PPARGC1A: variants seen among roughly 807,000 people sequenced by gnomAD.
PPARGC1A encodes the protein peroxisome proliferator-activated receptor gamma coactivator 1-alpha.
PPARGC1A carries 25 observed loss-of-function variants against 88.7 expected under a neutral mutation model. The ratio of observed to expected loss-of-function variants is 0.28; its 90% CI spans 0.21 to 0.39. The LOEUF is 0.39. Ranked by LOEUF, PPARGC1A falls within the 10% of genes least tolerant of loss-of-function variation. The pLI is 1.00. For missense variants in PPARGC1A, 880 were observed against 968.7 expected, an observed-to-expected ratio of 0.91 and a Z score of 1.22; for synonymous variants, 363 against 355.6, an observed-to-expected ratio of 1.02 and a Z score of -0.24.
intron 10 of PPARGC1A, among the ~76,000 whole-genome samples, chr4:23,808,311 G>T (rs1370845550): frequency 6.6e-6 from 1 of 150,550 alleles, no homozygotes. Flanking sequence ...TTTGGAAGAA[G>T]TTTATAATTA....
At chr4:23,890,618 T>TG (rs1717697995), upstream of PPARGC1A, among the ~76,000 whole-genome samples, 1 of 149,032 alleles carries the variant, frequency 6.7e-6, no homozygotes, top group Admixed American at 6.7e-5. Flanking sequence ...TTTTTTTTTT[T>TG]TTTTTTTTTG....
At chr4:24,428,221 T>C in the PPARGC1A span, among the ~76,000 whole-genome samples, 25 of 152,262 alleles carry the variant, frequency 1.6e-4, no homozygotes, top group African/African-American at 6.0e-4. Flanking sequence ...GGCGTCTTCC[T>C]GATATTCGCA....
chr4:23,919,737 A>G, the PPARGC1A span, among the ~76,000 whole-genome samples: 3 of 152,006 alleles, frequency 2.0e-5, no homozygotes, highest in Admixed American at 1.3e-4. Context: ...ATTGGTCAGG[A>G]GCCCTAGATA....
chr4:24,021,064 G>C, the PPARGC1A span, among the ~76,000 whole-genome samples: 17 of 152,162 alleles, frequency 1.1e-4, no homozygotes, highest in Admixed American at 2.6e-4. Flanking sequence ...AAAGCCCTTC[G>C]TGACCTCTGA....
chr4:24,005,514 T>A, the PPARGC1A span, among the ~76,000 whole-genome samples: 4 of 152,114 alleles, frequency 2.6e-5, no homozygotes, highest in South Asian at 8.3e-4. Context: ...TCCCTACAGA[T>A]CCTGTCAGAT....
chr4:24,426,352 G>A, the PPARGC1A span, among the ~76,000 whole-genome samples: 1 of 152,080 alleles, frequency 6.6e-6, no homozygotes, highest in South Asian at 2.1e-4. Context: ...AGTCCCAAGT[G>A]CCATTTAAAA....
the PPARGC1A span, among the ~76,000 whole-genome samples, chr4:23,971,470 T>C: frequency 2.0e-5 from 3 of 152,142 alleles, no homozygotes; most frequent in Non-Finnish European, 4.4e-5. Context: ...ACTCACATGA[T>C]CACAGAGTCC....
the PPARGC1A span, among the ~76,000 whole-genome samples, chr4:24,208,682 A>AAATATATATAT: frequency 7.4e-6 from 1 of 135,000 alleles, no homozygotes; most frequent in African/African-American, 2.7e-5. Context: ...TCAGAAAAAA[A>AAATATATATAT]ATATATATAT....
At position 23,813,997 on chromosome 4, in the gene PPARGC1A, T is replaced by G. The variant is rs200661963; in HGVS notation, c.1486A>C (p.Lys496Gln). The change falls in exon 8 of 13, where the codon AAA becomes CAA. Residue 496 changes from lysine (K) to glutamine (Q), a missense_variant. Transcript: ENST00000264867. ...CCTGAATTTATAAACATAGGTAGTT[T>G]GGAGAATTGTTCATTACTGAAATCA... ...DSDFSNEQFSKLPMFINSGLA... is the reference protein window; with the variant it reads ...DSDFSNEQFSQLPMFINSGLA... 129 of 1,614,000 alleles carry G rather than the reference T, an allele frequency of 8.0e-5. No homozygotes were observed. The highest frequency in any genetic ancestry group is 1.1e-4 in the Non-Finnish European group (126 of 1,179,978).
At chr4:23,913,293 GAGAGAGAGAGAGA>G in the PPARGC1A span, among the ~76,000 whole-genome samples, 1 of 142,628 alleles carries the variant, frequency 7.0e-6, no homozygotes, top group African/African-American at 2.7e-5. Flanking sequence ...GAGAGAGAGA[GAGAGAGAGAGAGA>G]GAAAGAGAAA....
At chr4:23,817,730 G>A (rs1250969264) in intron 7 of PPARGC1A, among the ~76,000 whole-genome samples, 1 of 152,066 alleles carries the variant, frequency 6.6e-6, no homozygotes, top group African/African-American at 2.4e-5. Flanking sequence ...ACCCTTCATT[G>A]TTTACTGAAA....
At chr4:24,269,868 G>A in the PPARGC1A span, among the ~76,000 whole-genome samples, 330 of 152,218 alleles carry the variant, frequency 2.2e-3, no homozygotes, top group African/African-American at 7.5e-3. Context: ...AAACTTCTGG[G>A]TCTCAGTTTT....
At chr4:23,801,012 T>C (rs986127368) in intron 12 of PPARGC1A, among the ~76,000 whole-genome samples, 8 of 151,674 alleles carry the variant, frequency 5.3e-5, no homozygotes, top group African/African-American at 1.7e-4. Flanking sequence ...ATTTAGTATA[T>C]GAAATTTAAT....
the PPARGC1A span, among the ~76,000 whole-genome samples, chr4:24,045,701 G>T: frequency 6.6e-6 from 1 of 152,236 alleles, no homozygotes; most frequent in East Asian, 1.9e-4. Context: ...AATCCAGTAT[G>T]ACCTTACTCT....
chr4:24,373,921 G>A, the PPARGC1A span, among the ~76,000 whole-genome samples: 1 of 152,246 alleles, frequency 6.6e-6, no homozygotes, highest in East Asian at 1.9e-4. Context: ...GAGGAACAAC[G>A]ATGCAAATTC....
the PPARGC1A span, among the ~76,000 whole-genome samples, chr4:24,407,923 C>A: frequency 6.6e-6 from 1 of 152,112 alleles, no homozygotes; most frequent in Non-Finnish European, 1.5e-5. Flanking sequence ...AAATGGGAGA[C>A]AGCTACTTAA....
At chr4:24,240,107 A>G in the PPARGC1A span, among the ~76,000 whole-genome samples, 1 of 152,176 alleles carries the variant, frequency 6.6e-6, no homozygotes. Context: ...GGTGACTGCT[A>G]TTAGTTTAAA....
chr4:23,940,156 T>C, the PPARGC1A span, among the ~76,000 whole-genome samples: 1 of 152,174 alleles, frequency 6.6e-6, no homozygotes, highest in Non-Finnish European at 1.5e-5. Flanking sequence ...TACCAAACAG[T>C]AATTAATTTA....
Position 23,813,953 on chromosome 4 carries a change from C to G in PPARGC1A, c.1530G>C (p.Leu510=), listed in dbSNP as rs1368761182. 6.2e-7 allele frequency: 1 copy of G among 1,614,100 alleles called. No individual in the cohort carries two copies. The highest frequency in any genetic ancestry group is 2.2e-5 in the East Asian group (1 of 44,866). The part of the protein sequence containing the change: ...FINSGLAMDG[L]FDDSEDESDK... ...CACTTTCATCTTCGCTGTCATCAAA[C>G]AGGCCATCCATGGCTAGTCCTGAAT... Residue 510 remains leucine, a synonymous_variant, in exon 8 of 13, where the codon CTG becomes CTC. Transcript: ENST00000264867.
Sources: gnomAD v4.1 joint callset for allele counts (sites outside exome capture counted in the v4.1 genomes callset) on GRCh38, gnomAD v4.1.1 for gene constraint, MANE v1.5 for transcripts, NCBI Gene and HGNC (gene_info 2026-07-23, HGNC 2026-07-21) for gene names.